The following UBAC2 variants were observed in gnomAD, a reference collection of about 807,000 sequenced individuals.
UBAC2 encodes the protein UBA domain containing 2, also known as ubiquitin-associated domain-containing protein 2.
Under a neutral mutation model 44.0 loss-of-function variants are expected in UBAC2, and 26 were observed. That is an observed-to-expected ratio of 0.59 (90% CI 0.43 to 0.82). The LOEUF (loss-of-function observed/expected upper bound fraction) is 0.82, where lower values mean the gene tolerates loss of function less well. UBAC2 is among the 40% of genes least tolerant of loss of function. UBAC2 has a pLI of 0.00. For synonymous variants in UBAC2, 155 were observed against 154.3 expected (o/e 1.00, Z -0.04); for missense variants, 329 against 419.4 (o/e 0.78, Z 1.88).
chr13:99,333,773 T>C (rs1259116963), intron 6 of UBAC2, among the ~76,000 whole-genome samples: 1 of 152,144 alleles, frequency 6.6e-6, no homozygotes, highest in African/African-American at 2.4e-5. Context: ...TGATTGTCAT[T>C]GTGGGGGCAG....
rs1468033054 is a variant in UBAC2, at chr13:99,385,743, G to A, written c.*408G>A. On this transcript the variant is annotated 3_prime_UTR_variant, in exon 9 of 9. Coordinates refer to ENST00000403766, the MANE Select transcript of UBAC2 (RefSeq NM_001144072.2). The stretch of plus-strand genomic sequence containing the variant: ...GGTAATGTTACTTCACAAAGGACAT[G>A]TCAGATCCTTCTTCATGGACTTTTT... 1 of 172,406 alleles carries A rather than the reference G, an allele frequency of 5.8e-6. No individual in the cohort carries two copies. 10.7% of individuals were successfully genotyped at this position (172,406 alleles called of 1,614,324 possible). A position where few individuals can be genotyped will look rare whatever the true frequency, so the allele number is the denominator to read the frequency against.
intron 6 of UBAC2, among the ~76,000 whole-genome samples, chr13:99,336,724 G>A (rs1334574421): frequency 6.6e-6 from 1 of 152,070 alleles, no homozygotes; most frequent in Non-Finnish European, 1.5e-5. Flanking sequence ...TAGGACTTAC[G>A]TTTCTTTAAA....
In UBAC2 at chr13:99,295,162, A is replaced by G; in HGVS notation, c.390-18935A>G. The G allele has an allele frequency of 1.2e-6, 2 of 1,614,184 alleles. No homozygotes were observed. Among genetic ancestry groups the G allele is most frequent in the Non-Finnish European group, 1.7e-6 (2 of 1,180,018 alleles). Reference sequence around the variant, plus strand: ...ACTTCACAGCACTAGAAATCGATACACTGACTTGCCGTTTCAGCATCCTCA... The same window carrying G: ...ACTTCACAGCACTAGAAATCGATACGCTGACTTGCCGTTTCAGCATCCTCA... On this transcript the variant is annotated intron_variant, in intron 4 of 8. Coordinates refer to ENST00000403766, the MANE Select transcript of UBAC2 (RefSeq NM_001144072.2). This position sits in a 1 kb window ranked among gnomAD's most constrained non-coding sequence, Gnocchi z 4.1.
chr13:99,263,999 G>C (rs1566475958), intron 4 of UBAC2, among the ~76,000 whole-genome samples: 2 of 152,180 alleles, frequency 1.3e-5, no homozygotes, highest in East Asian at 3.8e-4. Flanking sequence ...TGGGGTGTGG[G>C]CATGTGTAAT....
At chr13:99,292,718 G>T (rs201307900) in intron 4 of UBAC2, among the ~76,000 whole-genome samples, 19 of 148,078 alleles carry the variant, frequency 1.3e-4, no homozygotes, top group East Asian at 1.9e-4. Flanking sequence ...AGCTTTGAGG[G>T]TTTTTTTTTT....
At chr13:99,237,436 G>T (rs1271029346) in intron 1 of UBAC2, among the ~76,000 whole-genome samples, 1 of 152,114 alleles carries the variant, frequency 6.6e-6, no homozygotes, top group Non-Finnish European at 1.5e-5. Context: ...TAAAATAGTG[G>T]ATCTCATGAA....
intron 4 of UBAC2, among the ~76,000 whole-genome samples, chr13:99,253,837 A>G (rs1367099630): frequency 1.3e-5 from 2 of 152,230 alleles, no homozygotes; most frequent in Admixed American, 6.5e-5. Context: ...TAACCAATGC[A>G]TGTATTTGGT....
chr13:99,207,874 C>CT (rs930328765), intron 1 of UBAC2, among the ~76,000 whole-genome samples: 21 of 151,768 alleles, frequency 1.4e-4, no homozygotes, highest in Non-Finnish European at 2.9e-4. Context: ...TCCTGAGGCT[C>CT]TTTTTTTTGT....
chr13:99,242,661 G>A (rs1488351145), intron 2 of UBAC2, among the ~76,000 whole-genome samples: 9 of 22,228 alleles, frequency 4.0e-4, no homozygotes, highest in South Asian at 1.7e-3. Flanking sequence ...TCCCGGACGG[G>A]GCGGCTGGCC....
intron 4 of UBAC2, among the ~76,000 whole-genome samples, chr13:99,271,946 T>G (rs1042525515): frequency 6.6e-6 from 1 of 152,230 alleles, no homozygotes; most frequent in African/African-American, 2.4e-5. Context: ...TCAGGTATGA[T>G]GTTGGCCTTA....
chr13:99,323,215 C>T (rs1176707597), intron 6 of UBAC2, among the ~76,000 whole-genome samples: 1 of 152,046 alleles, frequency 6.6e-6, no homozygotes, highest in Non-Finnish European at 1.5e-5. Context: ...CAGATAACTC[C>T]TCTGATGCAC....
rs531964160 is a variant in UBAC2, at chr13:99,243,980, A to G, written c.279+29A>G. On this transcript the variant is annotated intron_variant, in intron 3 of 8. Transcript: ENST00000403766. The stretch of plus-strand genomic sequence containing the variant: ...AGTTTTTATGTATTTTGTCTTTGCT[A>G]CTTAGGCTGTAGAAAAAAATTTTGT... The G allele has an allele frequency of 3.4e-5, 50 of 1,485,982 alleles. 1 individual carries two copies. The highest frequency in any genetic ancestry group is 2.0e-4 in the Middle Eastern group (1 of 4,886). The allele number at this position is 1,485,982 out of a possible 1,614,324, so 92.0% of individuals were successfully genotyped here.
In UBAC2 at chr13:99,338,039, C is replaced by CTTTTTTCTTTTTTTTTTTTTTTTTTT. The variant is rs1566509471; in HGVS notation, c.562-2275_562-2274insCTTTTTTTTTTTTTTTTTTTTTTTTT. ...GCAAAAAAATCTCCTAACTTTTTTT[C>CTTTTTTCTTTTTTTTTTTTTTTTTTT]TTTTTTTCTTTTTTTTTTTTTTTTT... On this transcript the variant is annotated intron_variant, in intron 6 of 8. Coordinates refer to ENST00000403766, the MANE Select transcript of UBAC2 (RefSeq NM_001144072.2). 2.4e-4 allele frequency among the ~76,000 whole-genome samples: 22 copies of CTTTTTTCTTTTTTTTTTTTTTTTTTT among 91,556 alleles called. 2 individuals are homozygous for CTTTTTTCTTTTTTTTTTTTTTTTTTT. Among genetic ancestry groups the CTTTTTTCTTTTTTTTTTTTTTTTTTT allele is most frequent in the South Asian group, 9.2e-4 (2 of 2,184 alleles). The allele number at this position is 91,556 out of a possible 152,430, so 60.1% of individuals were successfully genotyped here. A position where few individuals can be genotyped will look rare whatever the true frequency, so the allele number is the denominator to read the frequency against.
intron 4 of UBAC2, chr13:99,294,937 G>A (rs2044145261): frequency 2.8e-6 from 3 of 1,069,858 alleles, no homozygotes; most frequent in South Asian, 1.7e-5. Flanking sequence ...ATGGGAAAGT[G>A]CCCAATGAAA....
chr13:99,242,719 G>T (rs1180331767), intron 2 of UBAC2, among the ~76,000 whole-genome samples: 1 of 138,870 alleles, frequency 7.2e-6, no homozygotes, highest in Non-Finnish European at 1.6e-5. Context: ...GGGGCGGCTG[G>T]CCTGGCCGGG....
At chr13:99,276,360 G>T (rs973164784) in intron 4 of UBAC2, among the ~76,000 whole-genome samples, 4 of 152,194 alleles carry the variant, frequency 2.6e-5, no homozygotes, top group Admixed American at 6.5e-5. Context: ...TAAATTGGGG[G>T]TTCCCACAAG....
chr13:99,380,556 C>T (rs2045538109), intron 8 of UBAC2, among the ~76,000 whole-genome samples: 1 of 152,208 alleles, frequency 6.6e-6, no homozygotes, highest in Non-Finnish European at 1.5e-5. Context: ...GGCTAACTTG[C>T]ACGGCTGTGA....
intron 7 of UBAC2, among the ~76,000 whole-genome samples, chr13:99,349,009 G>C (rs950095899): frequency 6.6e-6 from 1 of 152,206 alleles, no homozygotes; most frequent in Non-Finnish European, 1.5e-5. Context: ...AAGAAGACCA[G>C]GTGGGAGACA....
intron 7 of UBAC2, among the ~76,000 whole-genome samples, chr13:99,358,541 G>A (rs1460087403): frequency 6.6e-6 from 1 of 152,190 alleles, no homozygotes; most frequent in Non-Finnish European, 1.5e-5. Context: ...ATGTTAGCAA[G>A]TAATAGGCTT....
Sources: gnomAD v4.1 joint callset for allele counts (sites outside exome capture counted in the v4.1 genomes callset) on GRCh38, gnomAD v4.1.1 for gene constraint, Gnocchi (gnomAD v3.1) non-coding constraint, MANE v1.5 for transcripts, NCBI Gene and HGNC (gene_info 2026-07-23, HGNC 2026-07-21) for gene names.